CSMD1: variants seen among roughly 807,000 people sequenced by gnomAD.
The protein encoded by CSMD1 is CUB and Sushi multiple domains 1, also known as CUB and sushi domain-containing protein 1.
Under a neutral mutation model 417.5 loss-of-function variants are expected in CSMD1, and 213 were observed. The observed-to-expected ratio is 0.51, with a 90% CI of 0.46 to 0.57. The LOEUF is 0.57. CSMD1 is among the 20% of genes least tolerant of loss of function. The pLI, the probability that CSMD1 is intolerant of heterozygous loss-of-function variation, is 0.00. For missense variants in CSMD1, 6,923 were observed against 4,529.7 expected (o/e 1.53, Z -15.17); for synonymous variants, 2,862 against 1,736.8 (o/e 1.65, Z -16.11).
rs531883766 is a variant in CSMD1 at position 4,668,331 on chromosome 8, A to G, written c.86-30773T>C. Among the ~76,000 whole-genome samples, 189 of 151,774 alleles carry G rather than the reference A, an allele frequency of 1.2e-3. 10 individuals are homozygous for G. In the South Asian group the frequency reaches 0.038, roughly 30 times the overall value. ...TTTCTTGGATGATCACAGCACTGTC[A>G]TTGGTAGGGGTTCTTGGGCTGCCTT... On this transcript the variant is annotated intron_variant, in intron 1 of 69. Coordinates refer to ENST00000635120, the MANE Select transcript of CSMD1 (RefSeq NM_033225.6).
intron 1 of CSMD1, among the ~76,000 whole-genome samples, chr8:4,642,693 C>T (rs1803271547): frequency 6.6e-6 from 1 of 152,182 alleles, no homozygotes; most frequent in Non-Finnish European, 1.5e-5. Context: ...TCATTTAATT[C>T]GTGCACAGCC....
intron 3 of CSMD1, among the ~76,000 whole-genome samples, chr8:4,177,656 A>C (rs2656292): frequency 5.0e-5 from 7 of 139,418 alleles, no homozygotes; most frequent in Admixed American, 2.2e-4. Flanking sequence ...TTTTTTGAAA[A>C]GATCAACAAA....
At chr8:4,658,953 G>A (rs372661972) in intron 1 of CSMD1, among the ~76,000 whole-genome samples, 21 of 152,254 alleles carry the variant, frequency 1.4e-4, no homozygotes, top group African/African-American at 4.6e-4. Flanking sequence ...ATTTTAGGAT[G>A]TGAATTGTAA....
chr8:3,418,491 A>T (rs1435030403), intron 12 of CSMD1, among the ~76,000 whole-genome samples: 3 of 152,154 alleles, frequency 2.0e-5, no homozygotes, highest in Non-Finnish European at 4.4e-5. Flanking sequence ...AGCTATAATC[A>T]TGGAGTCATA....
At chr8:3,767,094 C>A (rs1337660310) in intron 5 of CSMD1, among the ~76,000 whole-genome samples, 1 of 152,210 alleles carries the variant, frequency 6.6e-6, no homozygotes, top group Non-Finnish European at 1.5e-5. Context: ...CCACTTAAAC[C>A]TCACTCAAGT....
intron 12 of CSMD1, among the ~76,000 whole-genome samples, chr8:3,439,284 T>TAC: frequency 3.5e-5 from 1 of 28,348 alleles, no homozygotes; most frequent in East Asian, 1.1e-3. Flanking sequence ...AATGTCAGTA[T>TAC]ATATATATAT....
chr8:3,915,260 T>A (rs1808737523), intron 5 of CSMD1, among the ~76,000 whole-genome samples: 1 of 151,704 alleles, frequency 6.6e-6, no homozygotes, highest in African/African-American at 2.4e-5. Flanking sequence ...AGAAAAATTA[T>A]CTGGGCATGG....
intron 3 of CSMD1, among the ~76,000 whole-genome samples, chr8:4,287,471 C>G (rs929499282): frequency 3.3e-5 from 5 of 151,996 alleles, no homozygotes; most frequent in Non-Finnish European, 5.9e-5. Flanking sequence ...AAATGACAAG[C>G]CCAGGAAACT....
At chr8:4,443,283 G>C (rs753794638) in intron 2 of CSMD1, among the ~76,000 whole-genome samples, 1 of 152,122 alleles carries the variant, frequency 6.6e-6, no homozygotes, top group African/African-American at 2.4e-5. Context: ...CTTCGCCTAA[G>C]TTTTGTATTC....
intron 5 of CSMD1, among the ~76,000 whole-genome samples, chr8:3,939,516 G>C (rs568345857): frequency 2.0e-5 from 3 of 152,154 alleles, no homozygotes; most frequent in East Asian, 1.9e-4. Context: ...GATTCATTTG[G>C]TATCTACTCA....
chr8:4,194,091 A>T (rs1799194181), intron 3 of CSMD1, among the ~76,000 whole-genome samples: 1 of 152,182 alleles, frequency 6.6e-6, no homozygotes, highest in Non-Finnish European at 1.5e-5. Context: ...AATCTACTGT[A>T]AATGTTATGG....
chr8:4,265,295 G>T (rs917397054), intron 3 of CSMD1, among the ~76,000 whole-genome samples: 1 of 151,946 alleles, frequency 6.6e-6, no homozygotes, highest in Non-Finnish European at 1.5e-5. Flanking sequence ...AAAATAGTGA[G>T]ATTAAAAACA....
At chr8:4,798,447 T>G (rs1048304342) in intron 1 of CSMD1, among the ~76,000 whole-genome samples, 1 of 152,178 alleles carries the variant, frequency 6.6e-6, no homozygotes, top group Non-Finnish European at 1.5e-5. Context: ...AAAAAGGAGA[T>G]GAGATTTTGC....
chr8:3,830,435 A>T (rs1284684825), intron 5 of CSMD1, among the ~76,000 whole-genome samples: 1 of 152,166 alleles, frequency 6.6e-6, no homozygotes, highest in Non-Finnish European at 1.5e-5. Context: ...TTATACGTTG[A>T]CTACTGTGAT....
intron 12 of CSMD1, among the ~76,000 whole-genome samples, chr8:3,429,092 G>C (rs912773355): frequency 6.6e-6 from 1 of 152,136 alleles, no homozygotes; most frequent in Non-Finnish European, 1.5e-5. Context: ...GTCTCAGGTA[G>C]AAGTAAGAAG....
At chr8:3,051,461 G>A (rs938637267) in intron 50 of CSMD1, among the ~76,000 whole-genome samples, 7 of 152,150 alleles carry the variant, frequency 4.6e-5, no homozygotes, top group Non-Finnish European at 1.0e-4. Flanking sequence ...AGGGTGGGAG[G>A]AAGGTAAGGA....
At chr8:4,190,567 ACT>A (rs1237530480) in intron 3 of CSMD1, among the ~76,000 whole-genome samples, 3 of 151,100 alleles carry the variant, frequency 2.0e-5, no homozygotes, top group South Asian at 2.1e-4. Flanking sequence ...ACTGAAAGAG[ACT>A]CTGATGATCT....
At chr8:4,695,443 T>G (rs767859604) in intron 1 of CSMD1, among the ~76,000 whole-genome samples, 1 of 152,250 alleles carries the variant, frequency 6.6e-6, no homozygotes, top group Non-Finnish European at 1.5e-5. Flanking sequence ...TGACATTTGT[T>G]AAGATGTTAT....
At position 3,559,557 on chromosome 8, in the gene CSMD1, G is replaced by T. The variant is rs865986147; in HGVS notation, c.1344+15388C>A. Among the ~76,000 whole-genome samples, 5 of 152,122 alleles carry T rather than the reference G, an allele frequency of 3.3e-5. No homozygotes were observed. The South Asian group carries it at 8.3e-4, about 25-fold the overall frequency. ...GGAAGATGATAAAGGAAAAGAATTG[G>T]GTTTTTGTGTTTATAAACACAGAGA... On this transcript the variant is annotated intron_variant, in intron 10 of 69. Coordinates refer to ENST00000635120, the MANE Select transcript of CSMD1 (RefSeq NM_033225.6).
Sources: gnomAD v4.1 joint callset for allele counts (sites outside exome capture counted in the v4.1 genomes callset) on GRCh38, gnomAD v4.1.1 for gene constraint, MANE v1.5 for transcripts, NCBI Gene and HGNC (gene_info 2026-07-23, HGNC 2026-07-21) for gene names.